The following ABHD6 variants were observed in gnomAD, a reference collection of about 807,000 sequenced individuals.
ABHD6 encodes abhydrolase domain containing 6, acylglycerol lipase, also known as monoacylglycerol lipase ABHD6.
A neutral mutation model predicts 38.8 loss-of-function variants in ABHD6; 33 were observed. The ratio of observed to expected loss-of-function variants is 0.85; its 90% CI spans 0.64 to 1.14. The LOEUF (loss-of-function observed/expected upper bound fraction) is 1.14, where lower values mean the gene tolerates loss of function less well. Ranked by LOEUF, ABHD6 falls within the 50% of genes most tolerant of loss-of-function variation. The pLI is 0.00. For synonymous variants in ABHD6, 147 were observed against 161.6 expected (o/e 0.91, Z 0.69); for missense variants, 380 against 422.6 (o/e 0.90, Z 0.88).
At chr3:58,290,271 C>T (rs1407616085) in intron 9 of ABHD6, among the ~76,000 whole-genome samples, 3 of 135,106 alleles carry the variant, frequency 2.2e-5, no homozygotes, top group African/African-American at 2.8e-5. Context: ...ACCTCCCAGA[C>T]GGGGCGGCTG....
In ABHD6 at chr3:58,256,582, G is replaced by A. The variant is rs369408002; in HGVS notation, c.-5G>A. 12 of 1,608,200 alleles carry A rather than the reference G, an allele frequency of 7.5e-6. No homozygotes were observed. The African/African-American group carries it at 1.5e-4, about 20-fold the overall frequency. ...TGCAGGAGTCAGCCAGCCTGAAAGA[G>A]CAGGATGGATCTTGATGTGGTTAAC... On this transcript the variant is annotated 5_prime_UTR_variant, in exon 3 of 10. Transcript: ENST00000478253. The surrounding 1 kb of genome is among the most constrained non-coding windows in gnomAD (Gnocchi z 4.3).
Position 58,257,208 on chromosome 3 carries a change from T to G in ABHD6, c.119+503T>G, listed in dbSNP as rs2097433985. Among the ~76,000 whole-genome samples the G allele has an allele frequency of 6.6e-6, 1 of 152,040 alleles. No homozygotes were observed. Among genetic ancestry groups the G allele is most frequent in the African/African-American group, 2.4e-5 (1 of 41,406 alleles). ...AGGCATGAGCCATCATACCCGGCCCTTTTAGGTTTCTGATAGCATCTTTCT... is the reference window on the plus strand; with the variant it reads ...AGGCATGAGCCATCATACCCGGCCCGTTTAGGTTTCTGATAGCATCTTTCT... On this transcript the variant is annotated intron_variant, in intron 3 of 9. Transcript: ENST00000478253. This position sits in a 1 kb window ranked among gnomAD's most constrained non-coding sequence, Gnocchi z 4.8.
chr3:58,282,084 C>A (rs13097703), intron 7 of ABHD6, among the ~76,000 whole-genome samples: 5,179 of 152,186 alleles, frequency 0.034, 132 homozygotes, highest in Non-Finnish European at 0.049. Flanking sequence ...AAACAGTGTA[C>A]TTTTGAGAGA....
Position 58,267,291 on chromosome 3 carries a change from C to A in ABHD6, c.222C>A (p.Ile74=). ...FRGRPGHKPS[I]LMLHGFSAHK... ...GCAGGCCTGGGCACAAACCCTCCAT[C>A]CTCATGCTCCACGGATTCTCTGCCC... Residue 74 remains isoleucine (I), a synonymous_variant, in exon 4 of 10, where the codon ATC becomes ATA. Coordinates refer to ENST00000478253, the MANE Select transcript of ABHD6 (RefSeq NM_001320126.2). This position sits in a 1 kb window ranked among gnomAD's most constrained non-coding sequence, Gnocchi z 4.3. 1.2e-6 allele frequency: 2 copies of A among 1,614,174 alleles called. No homozygotes were observed. The highest frequency in any genetic ancestry group is 1.7e-6 in the Non-Finnish European group (2 of 1,180,024).
At position 58,285,154 on chromosome 3, in the gene ABHD6, T is replaced by C; in HGVS notation, c.736+15T>C. On this transcript the variant is annotated intron_variant, in intron 8 of 9. Coordinates refer to ENST00000478253, the MANE Select transcript of ABHD6 (RefSeq NM_001320126.2). The surrounding 1 kb of genome is among the most constrained non-coding windows in gnomAD (Gnocchi z 4.9). Reference sequence around the variant, plus strand: ...CTACCGAAAGTGTAAGTAGCCCTACTTTCAGCTTGGAGCTTGTTACAAGTG... The same window carrying C: ...CTACCGAAAGTGTAAGTAGCCCTACCTTCAGCTTGGAGCTTGTTACAAGTG... 1 of 1,613,334 alleles carries C rather than the reference T, an allele frequency of 6.2e-7. No homozygotes were observed. The highest frequency in any genetic ancestry group is 1.3e-5 in the African/African-American group (1 of 75,026).
rs35038625 is a variant in ABHD6, at chr3:58,266,432, T to TAAA, written c.120-745_120-743dup. ...GTGGGTGACAGAGCGAGACTGTATC[T>TAAA]AAAAAAAAAAAAAACCTGACCAAAC... is the stretch of plus-strand genomic sequence containing the variant. On this transcript the variant is annotated intron_variant, in intron 3 of 9. Coordinates refer to ENST00000478253, the MANE Select transcript of ABHD6 (RefSeq NM_001320126.2). This position sits in a 1 kb window ranked among gnomAD's most constrained non-coding sequence, Gnocchi z 4.0. 7.5e-6 allele frequency among the ~76,000 whole-genome samples: 1 copy of TAAA among 132,550 alleles called. No homozygotes were observed. The highest frequency in any genetic ancestry group is 1.6e-5 in the Non-Finnish European group (1 of 61,490). The allele number at this position is 132,550 out of a possible 152,430, so 87.0% of individuals were successfully genotyped here. A position where few individuals can be genotyped will look rare whatever the true frequency, so the allele number is the denominator to read the frequency against.
Position 58,259,635 on chromosome 3 carries a change from C to T in ABHD6, c.119+2930C>T, listed in dbSNP as rs948935368. Among the ~76,000 whole-genome samples, 4 of 152,096 alleles carry T rather than the reference C, an allele frequency of 2.6e-5. No homozygotes were observed. Among genetic ancestry groups the T allele is most frequent in the East Asian group, 1.9e-4 (1 of 5,196 alleles). The stretch of plus-strand genomic sequence containing the variant: ...AGCGGAGGTTGCAGTGAGCCGAGAT[C>T]GTGCCACTACACTTCAGCCTGGGTG... On this transcript the variant is annotated intron_variant, in intron 3 of 9. Coordinates refer to ENST00000478253, the MANE Select transcript of ABHD6 (RefSeq NM_001320126.2). This position sits in a 1 kb window ranked among gnomAD's most constrained non-coding sequence, Gnocchi z 4.7.
chr3:58,285,106 G>A lies in ABHD6; in HGVS notation c.703G>A (p.Val235Ile), dbSNP rs2107472826. 2.5e-6 allele frequency: 4 copies of A among 1,614,210 alleles called. No homozygotes were observed. Among genetic ancestry groups the A allele is most frequent in the South Asian group, 2.2e-5 (2 of 91,086 alleles). Residue 235 changes from valine to isoleucine, a missense_variant, in exon 8 of 10, where the codon GTC becomes ATC. Transcript: ENST00000478253. This position sits in a 1 kb window ranked among gnomAD's most constrained non-coding sequence, Gnocchi z 4.9. ...PQQILQGLVD[V>I]RIPHNNFYRK... ...TTAGATCCTGCAAGGCCTTGTCGAT[G>A]TCCGCATCCCTCATAACAACTTCTA...
rs771863820 is a variant in ABHD6 at position 58,293,558 on chromosome 3, G to T, written c.838-31G>T. The T allele has an allele frequency of 2.5e-6, 4 of 1,610,034 alleles. No homozygotes were observed. Among genetic ancestry groups the T allele is most frequent in the Non-Finnish European group, 3.4e-6 (4 of 1,177,634 alleles). ...CACACGTGGGTGTCTGAATCTTTGT[G>T]TATCATCCAGCTCCCTTTCTTGCCC... On this transcript the variant is annotated intron_variant, in intron 9 of 9. Coordinates refer to ENST00000478253, the MANE Select transcript of ABHD6 (RefSeq NM_001320126.2). The surrounding 1 kb of genome is among the most constrained non-coding windows in gnomAD (Gnocchi z 4.4).
Position 58,271,766 on chromosome 3 carries a change from G to GTTTTTTTTT in ABHD6, c.523+718_523+726dup, listed in dbSNP as rs3038091. 3.6e-3 allele frequency among the ~76,000 whole-genome samples: 228 copies of GTTTTTTTTT among 63,628 alleles called. 29 individuals are homozygous for GTTTTTTTTT. The highest frequency in any genetic ancestry group is 7.9e-3 in the African/African-American group (110 of 14,010). 41.7% of individuals were successfully genotyped at this position (63,628 alleles called of 152,430 possible). On this transcript the variant is annotated intron_variant, in intron 6 of 9. Coordinates refer to ENST00000478253, the MANE Select transcript of ABHD6 (RefSeq NM_001320126.2). ...CTCTCCTCTATCTCCCCCTCTCTCT[G>GTTTTTTTTT]TTTTTTTTTTTTTTTTTTTTTTTTG...
chr3:58,243,031 T>C (rs1043807946), intron 1 of ABHD6, among the ~76,000 whole-genome samples: 2 of 152,278 alleles, frequency 1.3e-5, no homozygotes, highest in African/African-American at 4.8e-5. Flanking sequence ...TTCATCCATG[T>C]CCCTACAAAG....
chr3:58,247,546 G>A (rs1575513300), intron 1 of ABHD6, among the ~76,000 whole-genome samples: 1 of 152,028 alleles, frequency 6.6e-6, no homozygotes, highest in South Asian at 2.1e-4. Context: ...TATTTGAGGA[G>A]TTTGTATTGT....
intron 1 of ABHD6, among the ~76,000 whole-genome samples, chr3:58,246,169 A>C (rs1316127774): frequency 6.6e-6 from 1 of 152,258 alleles, no homozygotes; most frequent in Non-Finnish European, 1.5e-5. Context: ...CTTAAACGTA[A>C]AGGGTCAAGT....
intron 7 of ABHD6, among the ~76,000 whole-genome samples, chr3:58,279,462 C>T (rs893646288): frequency 9.2e-5 from 14 of 152,038 alleles, no homozygotes; most frequent in Non-Finnish European, 1.6e-4. Flanking sequence ...TAGATCTTCC[C>T]CCATCCCTTT....
chr3:58,265,499 C>CATGTACTGAATA lies in ABHD6; in HGVS notation c.120-1689_120-1678dup, dbSNP rs1232716205. Among the ~76,000 whole-genome samples, 1 of 152,150 alleles carries CATGTACTGAATA rather than the reference C, an allele frequency of 6.6e-6. No homozygotes were observed. Among genetic ancestry groups the CATGTACTGAATA allele is most frequent in the Admixed American group, 6.5e-5 (1 of 15,268 alleles). ...ATCTTTACATAATACTAATAACTAT[C>CATGTACTGAATA]ATGTACTGAATACTTACCATTTGCT... On this transcript the variant is annotated intron_variant, in intron 3 of 9. Transcript: ENST00000478253. This position sits in a 1 kb window ranked among gnomAD's most constrained non-coding sequence, Gnocchi z 4.2.
chr3:58,269,486 C>T lies in ABHD6; in HGVS notation c.390+52C>T. ...GCCCAGACTGTCTCAGCCACCATTA[C>T]ATGTCTGAGTCTGGAGAGCAGGGAA... On this transcript the variant is annotated intron_variant, in intron 5 of 9. Transcript: ENST00000478253. The surrounding 1 kb of genome is among the most constrained non-coding windows in gnomAD (Gnocchi z 4.4). The T allele has an allele frequency of 7.2e-7, 1 of 1,384,640 alleles. No homozygotes were observed. The highest frequency in any genetic ancestry group is 1.0e-6 in the Non-Finnish European group (1 of 978,882). The allele number at this position is 1,384,640 out of a possible 1,614,324, so 85.8% of individuals were successfully genotyped here. A position where few individuals can be genotyped will look rare whatever the true frequency, so the allele number is the denominator to read the frequency against.
intron 1 of ABHD6, among the ~76,000 whole-genome samples, chr3:58,249,582 G>A (rs1359825175): frequency 3.3e-5 from 5 of 152,172 alleles, no homozygotes; most frequent in African/African-American, 9.7e-5. Flanking sequence ...TTTAACTATC[G>A]TTCCATGCTT....
At chr3:58,271,929 T>C (rs1444090661) in intron 6 of ABHD6, among the ~76,000 whole-genome samples, 1 of 151,998 alleles carries the variant, frequency 6.6e-6, no homozygotes, top group Non-Finnish European at 1.5e-5. Flanking sequence ...CATGCCCAGC[T>C]AATTTTTTGC....
chr3:58,250,851 T>C (rs1267755729), intron 2 of ABHD6, among the ~76,000 whole-genome samples: 1 of 152,188 alleles, frequency 6.6e-6, no homozygotes. Flanking sequence ...TTGGCTTTAA[T>C]CAATTTAAGT....
Sources: gnomAD v4.1 joint callset for allele counts (sites outside exome capture counted in the v4.1 genomes callset) on GRCh38, gnomAD v4.1.1 for gene constraint, Gnocchi (gnomAD v3.1) non-coding constraint, MANE v1.5 for transcripts, NCBI Gene and HGNC (gene_info 2026-07-23, HGNC 2026-07-21) for gene names.